C8orf34: variants seen among roughly 807,000 people sequenced by gnomAD.
C8orf34 encodes uncharacterized protein C8orf34.
C8orf34 carries 65 observed loss-of-function variants against 68.3 expected under a neutral mutation model. That is an observed-to-expected ratio of 0.95 (90% confidence interval 0.78 to 1.17). The LOEUF is 1.17. Ranked by LOEUF, C8orf34 falls within the 50% of genes most tolerant of loss-of-function variation. The pLI, the probability that C8orf34 is intolerant of heterozygous loss-of-function variation, is 0.00. For synonymous variants in C8orf34, 244 were observed against 241.2 expected (o/e 1.01, Z -0.11); for missense variants, 664 against 655.4 (o/e 1.01, Z -0.14).
chr8:68,631,563 A>C (rs1818690884), intron 7 of C8orf34, among the ~76,000 whole-genome samples: 1 of 152,194 alleles, frequency 6.6e-6, no homozygotes, highest in South Asian at 2.1e-4. Flanking sequence ...CTCAGGCTAC[A>C]TCATATTAGA....
chr8:68,816,503 A>G (rs1258912100), intron 13 of C8orf34, among the ~76,000 whole-genome samples: 3 of 152,180 alleles, frequency 2.0e-5, no homozygotes, highest in Admixed American at 2.0e-4. Context: ...ATAGAATCAC[A>G]GAATATCAAA....
At chr8:68,646,419 A>G (rs1819174213) in intron 8 of C8orf34, among the ~76,000 whole-genome samples, 1 of 152,136 alleles carries the variant, frequency 6.6e-6, no homozygotes, top group Non-Finnish European at 1.5e-5. Flanking sequence ...GAATGATTAA[A>G]TCAAGCAAGT....
chr8:68,770,915 T>C (rs1167366297), intron 10 of C8orf34, among the ~76,000 whole-genome samples: 1 of 152,116 alleles, frequency 6.6e-6, no homozygotes, highest in African/African-American at 2.4e-5. Flanking sequence ...AATCATAACA[T>C]TTTATCTTAA....
chr8:68,514,250 C>G (rs1352144845), intron 5 of C8orf34, among the ~76,000 whole-genome samples: 1 of 152,134 alleles, frequency 6.6e-6, no homozygotes, highest in East Asian at 1.9e-4. Context: ...GAGGAGGGGA[C>G]AGGCTCCTCC....
At chr8:68,754,151 G>C (rs10087498) in intron 10 of C8orf34, among the ~76,000 whole-genome samples, 31,493 of 151,982 alleles carry the variant, frequency 0.21, 4,568 homozygotes, top group African/African-American at 0.41. Flanking sequence ...GTTCAACAAA[G>C]TGTTTAAAAA....
chr8:68,658,603 C>A (rs899096502), intron 8 of C8orf34, among the ~76,000 whole-genome samples: 8 of 152,216 alleles, frequency 5.3e-5, no homozygotes, highest in African/African-American at 1.7e-4. Flanking sequence ...TCTATTTCTT[C>A]TTTTCTCGAC....
intron 3 of C8orf34, among the ~76,000 whole-genome samples, chr8:68,449,345 C>T (rs901354586): frequency 3.9e-4 from 59 of 152,046 alleles, no homozygotes; most frequent in African/African-American, 1.4e-3. Context: ...TCAGTACATT[C>T]ACAATATTAT....
intron 1 of C8orf34, among the ~76,000 whole-genome samples, chr8:68,428,856 T>C (rs927585148): frequency 6.6e-6 from 1 of 152,210 alleles, no homozygotes; most frequent in African/African-American, 2.4e-5. Flanking sequence ...GTTAATGCTT[T>C]TAAACGAATG....
intron 7 of C8orf34, among the ~76,000 whole-genome samples, chr8:68,635,597 G>C (rs1198698664): frequency 1.3e-5 from 2 of 152,114 alleles, no homozygotes; most frequent in South Asian, 4.1e-4. Context: ...ATGATGAGAA[G>C]GTATGGGAAA....
chr8:68,641,141 T>C (rs1818996904), intron 8 of C8orf34, among the ~76,000 whole-genome samples: 1 of 152,180 alleles, frequency 6.6e-6, no homozygotes, highest in Non-Finnish European at 1.5e-5. Flanking sequence ...GTTTAAATGA[T>C]GAAACAAGCC....
At chr8:68,748,591 C>T (rs1378596797) in intron 10 of C8orf34, among the ~76,000 whole-genome samples, 2 of 152,202 alleles carry the variant, frequency 1.3e-5, no homozygotes, top group South Asian at 2.1e-4. Context: ...TGAAGAGGCA[C>T]TTCACAAAAG....
chr8:68,700,029 G>C (rs1174685446), intron 8 of C8orf34, among the ~76,000 whole-genome samples: 1 of 152,056 alleles, frequency 6.6e-6, no homozygotes, highest in Non-Finnish European at 1.5e-5. Flanking sequence ...GAATGTAAGG[G>C]CAGTCCTCTG....
intron 7 of C8orf34, among the ~76,000 whole-genome samples, chr8:68,626,453 C>A (rs1310905701): frequency 6.6e-6 from 1 of 152,154 alleles, no homozygotes; most frequent in African/African-American, 2.4e-5. Flanking sequence ...AGCGTGGATG[C>A]AGAAAAGTTA....
chr8:68,516,066 A>C (rs1814500099), intron 5 of C8orf34, among the ~76,000 whole-genome samples: 1 of 152,190 alleles, frequency 6.6e-6, no homozygotes, highest in South Asian at 2.1e-4. Flanking sequence ...TCCTTTTTTG[A>C]AATAGCAGGA....
At chr8:68,365,070 A>G (rs1807185904) in intron 1 of C8orf34, among the ~76,000 whole-genome samples, 1 of 149,818 alleles carries the variant, frequency 6.7e-6, no homozygotes. Flanking sequence ...GAATATCACC[A>G]CCGATCCCAC....
In C8orf34 at chr8:68,389,895, G is replaced by A. The variant is rs141561896; in HGVS notation, c.328-49604G>A. ...TTCTTTAGATGAAAATTATGTTTAGGCTTACATAATCCTAACGATGACCAC... is the reference window on the plus strand; with the variant it reads ...TTCTTTAGATGAAAATTATGTTTAGACTTACATAATCCTAACGATGACCAC... On this transcript the variant is annotated intron_variant, in intron 1 of 13. Coordinates refer to ENST00000518698, the MANE Select transcript of C8orf34 (RefSeq NM_052958.4). 6.6e-4 allele frequency among the ~76,000 whole-genome samples: 100 copies of A among 152,094 alleles called. 1 individual carries two copies. The highest frequency in any genetic ancestry group is 2.3e-3 in the African/African-American group (97 of 41,492).
chr8:68,455,463 T>G (rs1425893409), intron 3 of C8orf34, among the ~76,000 whole-genome samples: 1 of 152,192 alleles, frequency 6.6e-6, no homozygotes, highest in Non-Finnish European at 1.5e-5. Context: ...TCTTGATAGA[T>G]TATCCTTTTT....
chr8:68,383,287 A>G (rs1808120536), intron 1 of C8orf34, among the ~76,000 whole-genome samples: 1 of 152,184 alleles, frequency 6.6e-6, no homozygotes, highest in African/African-American at 2.4e-5. Flanking sequence ...GAGGGGAAAC[A>G]TTTGCCTAAA....
intron 1 of C8orf34, among the ~76,000 whole-genome samples, chr8:68,364,747 T>A (rs1203362511): frequency 1.5e-5 from 2 of 132,084 alleles, no homozygotes; most frequent in African/African-American, 2.8e-5. Flanking sequence ...TTCAAAGCAG[T>A]GTGTAGAGGG....
Sources: allele counts gnomAD v4.1 joint callset (sites outside exome capture counted in the v4.1 genomes callset), GRCh38; gene constraint gnomAD v4.1.1; transcripts MANE v1.5; gene names NCBI Gene and HGNC (gene_info 2026-07-23, HGNC 2026-07-21).